The following AFF3 variants were observed in gnomAD, a reference collection of about 807,000 sequenced individuals.
AFF3 encodes the protein AF4/FMR2 family member 3.
Under a neutral mutation model 129.7 loss-of-function variants are expected in AFF3, and 32 were observed. That is an observed-to-expected ratio of 0.25 (90% confidence interval 0.19 to 0.33). The LOEUF is 0.33. Among genes scored for constraint, AFF3 ranks in the 10% least tolerant of loss-of-function variants. The pLI is 1.00. For synonymous variants in AFF3, 644 were observed against 635.4 expected (o/e 1.01, Z -0.20); for missense variants, 1,373 against 1,592.0 (o/e 0.86, Z 2.34).
chr2:99,653,283 T>C (rs541757783), intron 12 of AFF3, among the ~76,000 whole-genome samples: 1 of 152,346 alleles, frequency 6.6e-6, no homozygotes. Flanking sequence ...GCAGGAGCCA[T>C]GAGAGACTGG....
chr2:99,648,511 T>C (rs1262677853), intron 13 of AFF3, among the ~76,000 whole-genome samples: 1 of 152,264 alleles, frequency 6.6e-6, no homozygotes, highest in Non-Finnish European at 1.5e-5. Context: ...CAGAAGATCA[T>C]GTGCCAGCCA....
chr2:100,095,968 C>A (rs867987373), intron 4 of AFF3, among the ~76,000 whole-genome samples: 112 of 152,184 alleles, frequency 7.4e-4, no homozygotes, highest in Non-Finnish European at 1.4e-3. Flanking sequence ...ATGGGTTCCA[C>A]GTAGAGTCTT....
At chr2:100,016,397 T>C (rs1046044580) in intron 4 of AFF3, among the ~76,000 whole-genome samples, 1 of 150,216 alleles carries the variant, frequency 6.7e-6, no homozygotes, top group Non-Finnish European at 1.5e-5. Flanking sequence ...ATAATGGTGA[T>C]GGCAGCGATG....
intron 7 of AFF3, among the ~76,000 whole-genome samples, chr2:99,997,567 C>T (rs1007435136): frequency 6.6e-6 from 1 of 151,976 alleles, no homozygotes; most frequent in African/African-American, 2.4e-5. Context: ...ACAGCCAAAC[C>T]CATCATTTTC....
At chr2:99,778,088 C>T (rs1684086521) in intron 8 of AFF3, among the ~76,000 whole-genome samples, 1 of 151,812 alleles carries the variant, frequency 6.6e-6, no homozygotes, top group South Asian at 2.1e-4. Context: ...TTGGTTTGTT[C>T]CAGGCCTGAG....
chr2:99,743,576 T>C (rs1416322892), intron 10 of AFF3, among the ~76,000 whole-genome samples: 1 of 152,140 alleles, frequency 6.6e-6, no homozygotes, highest in Non-Finnish European at 1.5e-5. Flanking sequence ...CATCCTCTCT[T>C]TGACAAAAAA....
intron 18 of AFF3, chr2:99,572,660 C>T (rs1190561046): frequency 1.8e-5 from 8 of 455,776 alleles, no homozygotes; most frequent in African/African-American, 1.0e-4. Flanking sequence ...TCATCATCTG[C>T]TATCCGATAT....
intron 7 of AFF3, among the ~76,000 whole-genome samples, chr2:99,900,586 T>TTTG (rs1490307386): frequency 6.6e-6 from 1 of 152,104 alleles, no homozygotes; most frequent in Non-Finnish European, 1.5e-5. Context: ...CCACTCAGCA[T>TTTG]TTGGTGAGGC....
chr2:99,665,085 A>G (rs1431927270), intron 12 of AFF3, among the ~76,000 whole-genome samples: 1 of 152,214 alleles, frequency 6.6e-6, no homozygotes, highest in Non-Finnish European at 1.5e-5. Context: ...AGCTGGGAGA[A>G]GGGCCGGGCC....
At chr2:99,837,603 G>T in intron 7 of AFF3, 79 bp from the exon 8 acceptor site, 1 of 1,331,842 alleles carries the variant, frequency 7.5e-7, no homozygotes, top group African/African-American at 1.7e-5. Context: ...TTCCAAATTA[G>T]TCCCCCCCAA....
chr2:99,862,334 T>C (rs765489583), intron 7 of AFF3, among the ~76,000 whole-genome samples: 16 of 152,324 alleles, frequency 1.1e-4, no homozygotes, highest in Middle Eastern at 3.4e-3. Context: ...ATTTCATCCA[T>C]AGATAATGTC....
Position 100,059,479 on chromosome 2 carries a change from G to A in AFF3, c.53+44923C>T, listed in dbSNP as rs945361882. Among the ~76,000 whole-genome samples, 2 of 152,060 alleles carry A rather than the reference G, an allele frequency of 1.3e-5. 1 individual carries two copies. Among genetic ancestry groups the A allele is most frequent in the East Asian group, 3.9e-4 (2 of 5,182 alleles). ...TCTTAGTGAGGCTGTGGAGAAACTG[G>A]AACCTTCATACACCACTAGTGGGAG... On this transcript the variant is annotated intron_variant, in intron 4 of 24. Coordinates refer to ENST00000672756, the MANE Select transcript of AFF3 (RefSeq NM_001386135.1).
In AFF3 at chr2:99,837,514, G is replaced by T. The variant is rs751793098; in HGVS notation, c.884C>A (p.Ser295Tyr). The T allele has an allele frequency of 1.9e-6, 3 of 1,613,488 alleles. No homozygotes were observed. The South Asian group carries it at 3.3e-5, about 18-fold the overall frequency. Residue 295 changes from serine to tyrosine, a missense_variant, in exon 8 of 25, where the codon TCT (serine) becomes TAT (tyrosine). Ser to Tyr is a moderately radical substitution (Grantham distance 144, BLOSUM62 -2). This residue lies in a region of AFF3 where 413 missense variants were observed against 424.4 expected (regional missense o/e 0.97). Coordinates refer to ENST00000672756, the MANE Select transcript of AFF3 (RefSeq NM_001386135.1). ...TTCAACACAGCTGTTGGTTTCTCCA[G>T]ATCTACTCTCCTGAAAGCAAAGAAA... ...SIPKQGEESRSGETNSCVEEI... is the reference protein window; with the variant it reads ...SIPKQGEESRYGETNSCVEEI...
At chr2:99,980,166 A>G (rs1416658734) in intron 7 of AFF3, among the ~76,000 whole-genome samples, 1 of 152,188 alleles carries the variant, frequency 6.6e-6, no homozygotes, top group East Asian at 1.9e-4. Context: ...TTTCATATTC[A>G]TTGTAGTAAC....
chr2:99,805,224 G>C (rs1030727535), intron 8 of AFF3, among the ~76,000 whole-genome samples: 3 of 152,200 alleles, frequency 2.0e-5, no homozygotes, highest in African/African-American at 7.2e-5. Flanking sequence ...CCCATGCTTG[G>C]TTTCAAAGGC....
At chr2:100,030,302 G>A (rs1281299547) in intron 4 of AFF3, among the ~76,000 whole-genome samples, 2 of 152,040 alleles carry the variant, frequency 1.3e-5, no homozygotes, top group Non-Finnish European at 2.9e-5. Context: ...AATAAGATTT[G>A]TCATTAGGGA....
chr2:99,836,209 T>C (rs1315906845), intron 8 of AFF3, among the ~76,000 whole-genome samples: 1 of 152,136 alleles, frequency 6.6e-6, no homozygotes, highest in Non-Finnish European at 1.5e-5. Context: ...TATTATCCTT[T>C]TGTGGACATA....
chr2:100,034,775 C>G (rs1415801251), intron 4 of AFF3, among the ~76,000 whole-genome samples: 1 of 152,158 alleles, frequency 6.6e-6, no homozygotes, highest in East Asian at 1.9e-4. Context: ...ACATAATACA[C>G]AAGATCTAAT....
intron 7 of AFF3, among the ~76,000 whole-genome samples, chr2:99,911,198 G>A (rs960680881): frequency 3.3e-5 from 5 of 152,086 alleles, no homozygotes; most frequent in Non-Finnish European, 7.4e-5. Context: ...GACCTGTTTT[G>A]TAGGAAATGT....
Sources: allele counts gnomAD v4.1 joint callset (sites outside exome capture counted in the v4.1 genomes callset), GRCh38; gene constraint gnomAD v4.1.1; regional missense constraint gnomAD v4.1.1; transcripts MANE v1.5; gene names NCBI Gene and HGNC (gene_info 2026-07-23, HGNC 2026-07-21).